The following TEAD4 variants were observed in gnomAD, a reference collection of about 807,000 sequenced individuals.
TEAD4 encodes the protein TEA domain transcription factor 4.
In TEAD4, 36 loss-of-function variants were observed where a neutral mutation model predicts 52.4. The observed-to-expected ratio is 0.69, with a 90% CI of 0.53 to 0.91. The LOEUF (loss-of-function observed/expected upper bound fraction) is 0.91, where lower values mean the gene tolerates loss of function less well. Among genes scored for constraint, TEAD4 ranks in the 40% least tolerant of loss-of-function variants. The pLI, the probability that TEAD4 is intolerant of heterozygous loss-of-function variation, is 0.00. For synonymous variants in TEAD4, 220 were observed against 231.0 expected (o/e 0.95, Z 0.43); for missense variants, 508 against 583.9 (o/e 0.87, Z 1.34).
intron 3 of TEAD4, among the ~76,000 whole-genome samples, chr12:2,999,906 C>T (rs1591576283): frequency 1.3e-5 from 2 of 152,308 alleles, no homozygotes; most frequent in Admixed American, 1.3e-4. Context: ...GCATTCATCC[C>T]TTTCTGCCTC....
At chr12:2,987,905 A>C (rs1416798181) in intron 2 of TEAD4, among the ~76,000 whole-genome samples, 1 of 151,394 alleles carries the variant, frequency 6.6e-6, no homozygotes, top group Admixed American at 6.6e-5. Context: ...TCTCTACTAA[A>C]AATATAAAAA....
At chr12:2,988,593 A>T (rs1334276313) in intron 2 of TEAD4, among the ~76,000 whole-genome samples, 11 of 151,864 alleles carry the variant, frequency 7.2e-5, no homozygotes, top group Admixed American at 4.6e-4. Flanking sequence ...CTTCAAAACG[A>T]TGTGTCTTTT....
chr12:2,972,845 T>G (rs1167952535), intron 2 of TEAD4, among the ~76,000 whole-genome samples: 2 of 152,258 alleles, frequency 1.3e-5, no homozygotes, highest in East Asian at 3.9e-4. Context: ...TTCCCTAAAT[T>G]TATTTTTAAC....
chr12:3,014,897 G>GT (rs1433341809), intron 5 of TEAD4, among the ~76,000 whole-genome samples: 1 of 152,244 alleles, frequency 6.6e-6, no homozygotes. Context: ...GAGTTGTTAA[G>GT]TGCCGAGGTC....
intron 2 of TEAD4, among the ~76,000 whole-genome samples, chr12:2,968,477 GGCCTC>G (rs1292821425): frequency 7.5e-6 from 1 of 132,742 alleles, no homozygotes; most frequent in Non-Finnish European, 1.5e-5. Flanking sequence ...AGCTCACTGT[GGCCTC>G]AACCTCCCGC....
intron 5 of TEAD4, among the ~76,000 whole-genome samples, chr12:3,014,881 G>T (rs543429623): frequency 7.0e-4 from 107 of 152,338 alleles, no homozygotes; most frequent in Middle Eastern, 6.8e-3. Context: ...CCCCGGCCTC[G>T]TGATGGAGTT....
intron 10 of TEAD4, among the ~76,000 whole-genome samples, chr12:3,031,240 G>A (rs1438334893): frequency 2.0e-5 from 3 of 152,132 alleles, no homozygotes; most frequent in African/African-American, 4.8e-5. Flanking sequence ...AGCACTCACC[G>A]CCCCCGGCCT....
At chr12:3,006,948 C>G (rs887276537) in intron 3 of TEAD4, among the ~76,000 whole-genome samples, 14 of 152,284 alleles carry the variant, frequency 9.2e-5, no homozygotes, top group African/African-American at 3.1e-4. Flanking sequence ...ATCACTGGAA[C>G]CCAGGAGGTG....
intron 2 of TEAD4, among the ~76,000 whole-genome samples, chr12:2,985,740 G>A (rs1306984732): frequency 6.6e-6 from 1 of 151,894 alleles, no homozygotes; most frequent in Admixed American, 6.6e-5. Flanking sequence ...TCCTGACCTC[G>A]TGATCCACCT....
intron 4 of TEAD4, among the ~76,000 whole-genome samples, chr12:3,011,272 C>A (rs2098260097): frequency 6.6e-6 from 1 of 152,054 alleles, no homozygotes; most frequent in Admixed American, 6.5e-5. Flanking sequence ...CTCATGTTGC[C>A]CAGACTGGAG....
chr12:3,018,517 G>A (rs1409113060), intron 6 of TEAD4, 28 bp from the exon 7 acceptor site: 1 of 1,613,998 alleles, frequency 6.2e-7, no homozygotes, highest in Non-Finnish European at 8.5e-7. Flanking sequence ...CTGGGGCCGT[G>A]CTGATTCCAT....
intron 10 of TEAD4, among the ~76,000 whole-genome samples, chr12:3,034,024 G>T (rs1198616623): frequency 6.6e-6 from 1 of 151,474 alleles, no homozygotes; most frequent in Admixed American, 6.6e-5. Flanking sequence ...TTCTGGGGCT[G>T]ATTGTGGGAT....
At chr12:2,966,585 G>A (rs1287045796) in intron 2 of TEAD4, among the ~76,000 whole-genome samples, 3 of 150,912 alleles carry the variant, frequency 2.0e-5, no homozygotes, top group Admixed American at 1.3e-4. Flanking sequence ...TAATTTTTTT[G>A]TATTTTTAGT....
At position 3,019,147 on chromosome 12, in the gene TEAD4, T is replaced by C. The variant is rs755806437; in HGVS notation, c.560T>C (p.Val187Ala). The C allele has an allele frequency of 9.3e-6, 15 of 1,613,904 alleles. No individual in the cohort carries two copies. The African/African-American group carries it at 1.7e-4, about 19-fold the overall frequency. The change falls in exon 8 of 13, where the codon GTC becomes GCC. Residue 187 changes from valine to alanine, a missense_variant. Val to Ala is a moderately conservative substitution (Grantham distance 64). Coordinates refer to ENST00000359864, the MANE Select transcript of TEAD4 (RefSeq NM_003213.4). ...CCTTTCTCTCAGCAAACCTATGCTG[T>C]CCAGCCTCCGCTGCCTCTGCCAGGT...
chr12:3,004,013 C>T (rs148498530), intron 3 of TEAD4, among the ~76,000 whole-genome samples: 376 of 152,366 alleles, frequency 2.5e-3, no homozygotes, highest in African/African-American at 8.2e-3. Context: ...TGTAGGCCCA[C>T]GCTCCCTACT....
At chr12:3,012,085 C>A in intron 4 of TEAD4, 85 bp from the exon 5 acceptor site, 1 of 1,374,522 alleles carries the variant, frequency 7.3e-7, no homozygotes, top group Non-Finnish European at 1.0e-6. Flanking sequence ...GGGTTGAGGG[C>A]TGTGGAGGGC....
At chr12:2,983,891 A>G (rs1214339277) in intron 2 of TEAD4, among the ~76,000 whole-genome samples, 1 of 152,322 alleles carries the variant, frequency 6.6e-6, no homozygotes, top group East Asian at 1.9e-4. Context: ...CATGGTGTCT[A>G]AAGTGTGGTG....
At chr12:2,987,997 G>T (rs933871949) in intron 2 of TEAD4, among the ~76,000 whole-genome samples, 1 of 151,642 alleles carries the variant, frequency 6.6e-6, no homozygotes, top group Non-Finnish European at 1.5e-5. Context: ...GAGCCTGGGA[G>T]GTGGAGGTTG....
chr12:3,030,128 C>T (rs2098274622), intron 10 of TEAD4, among the ~76,000 whole-genome samples: 1 of 152,128 alleles, frequency 6.6e-6, no homozygotes, highest in South Asian at 2.1e-4. Flanking sequence ...AGACCTGTTG[C>T]CCTCCTGTTT....
Sources: gnomAD v4.1 joint callset for allele counts (sites outside exome capture counted in the v4.1 genomes callset) on GRCh38, gnomAD v4.1.1 for gene constraint, MANE v1.5 for transcripts, NCBI Gene and HGNC (gene_info 2026-07-23, HGNC 2026-07-21) for gene names.